The following ADD2 variants were observed in gnomAD, a reference collection of about 807,000 sequenced individuals.
ADD2 encodes the protein adducin 2.
ADD2 carries 23 observed loss-of-function variants against 83.0 expected under a neutral mutation model. The observed-to-expected ratio is 0.28, with a 90% CI of 0.20 to 0.39. ADD2 has a LOEUF of 0.39. Among genes scored for constraint, ADD2 ranks in the 10% least tolerant of loss-of-function variants. ADD2 has a pLI of 1.00. For synonymous variants in ADD2, 375 were observed against 375.4 expected, an observed-to-expected ratio of 1.00 and a Z score of 0.01; for missense variants, 758 against 944.9, an observed-to-expected ratio of 0.80 and a Z score of 2.59.
At chr2:70,686,880 T>C (rs1417154479) in intron 9 of ADD2, among the ~76,000 whole-genome samples, 2 of 152,180 alleles carry the variant, frequency 1.3e-5, no homozygotes, top group Non-Finnish European at 2.9e-5. Context: ...TTAAAACGAT[T>C]GAAAAGGTCC....
intron 1 of ADD2, among the ~76,000 whole-genome samples, chr2:70,767,049 C>A (rs1242095857): frequency 1.3e-5 from 2 of 152,132 alleles, no homozygotes; most frequent in Non-Finnish European, 2.9e-5. Flanking sequence ...AGACAATAGG[C>A]CAGACCCGAG....
intron 15 of ADD2, among the ~76,000 whole-genome samples, chr2:70,667,132 C>T (rs923084161): frequency 6.6e-6 from 1 of 152,166 alleles, no homozygotes; most frequent in Non-Finnish European, 1.5e-5. Flanking sequence ...CACCTTCTAG[C>T]CTCTTCTAAG....
intron 1 of ADD2, among the ~76,000 whole-genome samples, chr2:70,733,123 T>G (rs140928774): frequency 6.6e-6 from 1 of 152,330 alleles, no homozygotes; most frequent in Non-Finnish European, 1.5e-5. Flanking sequence ...GCTACTTTTA[T>G]AAGCCCAGGG....
chr2:70,709,264 A>G (rs374536378), intron 2 of ADD2, among the ~76,000 whole-genome samples: 5 of 151,734 alleles, frequency 3.3e-5, no homozygotes, highest in East Asian at 3.9e-4. Flanking sequence ...AAAATATTTG[A>G]TAATAGGGGA....
intron 1 of ADD2, among the ~76,000 whole-genome samples, chr2:70,734,932 T>C (rs932888527): frequency 4.6e-5 from 7 of 152,190 alleles, no homozygotes; most frequent in African/African-American, 9.7e-5. Context: ...AACTTGTGTG[T>C]ACTAGGGGCT....
At chr2:70,754,479 C>A (rs1362331364) in intron 1 of ADD2, among the ~76,000 whole-genome samples, 1 of 152,082 alleles carries the variant, frequency 6.6e-6, no homozygotes, top group Non-Finnish European at 1.5e-5. Context: ...TCCTTCAAAA[C>A]CCCATCACCT....
chr2:70,718,266 C>T (rs1286006694), intron 1 of ADD2, among the ~76,000 whole-genome samples: 3 of 152,126 alleles, frequency 2.0e-5, no homozygotes, highest in Admixed American at 6.5e-5. Flanking sequence ...ACTAAATAAA[C>T]AGTTATTTGT....
At position 70,676,140 on chromosome 2, in the gene ADD2, CCCA is replaced by C. The variant is rs1670127515; in HGVS notation, c.1593+653_1593+655del. 2.0e-6 allele frequency: 2 copies of C among 985,348 alleles called. No individual in the cohort carries two copies. Among genetic ancestry groups the C allele is most frequent in the African/African-American group, 1.7e-5 (1 of 57,230 alleles). 61.0% of individuals were successfully genotyped at this position (985,348 alleles called of 1,614,324 possible). ...TTTTACTGCTAAGGAAAATGTCATG[CCCA>C]TTGCTACCTTGCAAGGAGCAGCAGT... On this transcript the variant is annotated intron_variant, in intron 13 of 15. Coordinates refer to ENST00000264436, the MANE Select transcript of ADD2 (RefSeq NM_001617.4). The surrounding 1 kb of genome is among the most constrained non-coding windows in gnomAD (Gnocchi z 4.8).
In ADD2 at chr2:70,657,596, T is replaced by C. The variant is rs577344005; in HGVS notation, c.*5829A>G. ...AAATATATTCCCATTTTATAATGTG[T>C]TTCAAGTGTGGCCACTCTGCCCTTG... is the stretch of plus-strand genomic sequence containing the variant. On this transcript the variant is annotated 3_prime_UTR_variant, in exon 16 of 16. Coordinates refer to ENST00000264436, the MANE Select transcript of ADD2 (RefSeq NM_001617.4). 1 of 152,278 alleles carries C rather than the reference T, an allele frequency of 6.6e-6. No individual in the cohort carries two copies. Among genetic ancestry groups the C allele is most frequent in the African/African-American group, 2.4e-5 (1 of 41,536 alleles). 9.4% of individuals were successfully genotyped at this position (152,278 alleles called of 1,614,324 possible).
chr2:70,703,002 C>T (rs1183201107), intron 4 of ADD2, among the ~76,000 whole-genome samples: 1 of 151,894 alleles, frequency 6.6e-6, no homozygotes, highest in Non-Finnish European at 1.5e-5. Context: ...GGTGCGTGCC[C>T]GTGGTCCCAG....
intron 1 of ADD2, among the ~76,000 whole-genome samples, chr2:70,746,295 TA>T (rs1431571589): frequency 6.6e-6 from 1 of 152,226 alleles, no homozygotes; most frequent in Non-Finnish European, 1.5e-5. Flanking sequence ...TTTACCATGG[TA>T]AATCTCTCGA....
chr2:70,663,381 G>T lies in ADD2; in HGVS notation c.*44C>A. 1.3e-6 allele frequency: 2 copies of T among 1,556,228 alleles called. No individual in the cohort carries two copies. Among genetic ancestry groups the T allele is most frequent in the Non-Finnish European group, 1.8e-6 (2 of 1,140,432 alleles). ...GGGACAGAGATGGGAGAAGGGAAGG[G>T]GAGGAGAGAGAGGAGGCAGGAGGGA... On this transcript the variant is annotated 3_prime_UTR_variant, in exon 16 of 16. Transcript: ENST00000264436.
chr2:70,678,064 C>G (rs565926773), intron 11 of ADD2, among the ~76,000 whole-genome samples, 187 bp from the exon 12 acceptor site: 2 of 152,160 alleles, frequency 1.3e-5, no homozygotes, highest in African/African-American at 4.8e-5. Context: ...AACAGATGAC[C>G]CAGTTACCAA....
rs1442265536 is a variant in ADD2 at position 70,662,239 on chromosome 2, GC to G, written c.*1185del. 4 of 152,164 alleles carry G rather than the reference GC, an allele frequency of 2.6e-5. No homozygotes were observed. The highest frequency in any genetic ancestry group is 6.5e-5 in the Admixed American group (1 of 15,276). The allele number at this position is 152,164 out of a possible 1,614,324, so 9.4% of individuals were successfully genotyped here. A position where few individuals can be genotyped will look rare whatever the true frequency, so the allele number is the denominator to read the frequency against. ...GTTGGCATTTAAAACAATAACTGTG[GC>G]CATTACCAGGCCCCAGGATGGACAG... On this transcript the variant is annotated 3_prime_UTR_variant, in exon 16 of 16. Transcript: ENST00000264436.
intron 9 of ADD2, among the ~76,000 whole-genome samples, chr2:70,684,093 A>C (rs74632516): frequency 6.6e-6 from 1 of 152,212 alleles, no homozygotes; most frequent in African/African-American, 2.4e-5. Flanking sequence ...AAGATGAGAC[A>C]GGAAAGGACT....
chr2:70,730,131 T>C (rs1673206538), intron 1 of ADD2, among the ~76,000 whole-genome samples: 1 of 152,190 alleles, frequency 6.6e-6, no homozygotes, highest in Non-Finnish European at 1.5e-5. Flanking sequence ...CATTTGTAAA[T>C]GGTGAAATAT....
At chr2:70,692,105 G>A (rs368073661) in intron 7 of ADD2, among the ~76,000 whole-genome samples, 2 of 152,200 alleles carry the variant, frequency 1.3e-5, no homozygotes, top group Non-Finnish European at 1.5e-5. Flanking sequence ...GCCTGGCTTC[G>A]TGGGGGCAGG....
chr2:70,738,874 T>C (rs1553380617), intron 1 of ADD2, among the ~76,000 whole-genome samples: 2 of 151,996 alleles, frequency 1.3e-5, no homozygotes, highest in Non-Finnish European at 2.9e-5. Flanking sequence ...TTACACCATA[T>C]ACAAAAATCA....
chr2:70,738,845 T>C (rs766122782), intron 1 of ADD2, among the ~76,000 whole-genome samples: 3 of 152,138 alleles, frequency 2.0e-5, no homozygotes, highest in Non-Finnish European at 2.9e-5. Flanking sequence ...AAGCAGAAGA[T>C]TGAAACTGGA....
Sources: allele counts gnomAD v4.1 joint callset (sites outside exome capture counted in the v4.1 genomes callset), GRCh38; gene constraint gnomAD v4.1.1; non-coding constraint Gnocchi (gnomAD v3.1); transcripts MANE v1.5; gene names NCBI Gene and HGNC (gene_info 2026-07-23, HGNC 2026-07-21).